Variants in EFCAB6 observed in about 807,000 individuals in gnomAD.
EFCAB6 encodes EF-hand calcium-binding domain-containing protein 6.
A neutral mutation model predicts 169.8 loss-of-function variants in EFCAB6; 156 were observed. The ratio of observed to expected loss-of-function variants is 0.92; its 90% CI spans 0.81 to 1.05. EFCAB6 has a LOEUF of 1.05. Among genes scored for constraint, EFCAB6 ranks in the 50% least tolerant of loss-of-function variants. The pLI is 0.00. For synonymous variants in EFCAB6, 698 were observed against 676.4 expected (o/e 1.03, Z -0.50); for missense variants, 1,800 against 1,829.1 (o/e 0.98, Z 0.29).
chr22:43,589,620 T>C (rs762457329), intron 24 of EFCAB6, among the ~76,000 whole-genome samples: 1 of 152,126 alleles, frequency 6.6e-6, no homozygotes, highest in African/African-American at 2.4e-5. Context: ...AAACCCCGTC[T>C]CTACTAAAAA....
At chr22:43,623,712 A>ACG (rs2054273057) in intron 20 of EFCAB6, among the ~76,000 whole-genome samples, 1 of 143,332 alleles carries the variant, frequency 7.0e-6, no homozygotes, top group African/African-American at 2.6e-5. Flanking sequence ...TGGCTAACAT[A>ACG]GTGAAACCCC....
At position 43,576,472 on chromosome 22, in the gene EFCAB6, T is replaced by A. The variant is rs564902502; in HGVS notation, c.3245A>T (p.Asp1082Val). Residue 1082 changes from aspartate to valine, a missense_variant, in exon 26 of 32, where the codon GAT becomes GTT. Physicochemically the swap from Asp to Val is radical, Grantham distance 152. Coordinates refer to ENST00000262726, the MANE Select transcript of EFCAB6 (RefSeq NM_022785.4). ...CTTTACAAATCCTGTATCCTCTTTA[T>A]CCAATGCAGAAAATGCCTAAAAAGA... Reference protein sequence around the residue: ...LALSTAFSALDKEDTGFVKAT... With the variant: ...LALSTAFSALVKEDTGFVKAT... 3 of 1,545,152 alleles carry A rather than the reference T, an allele frequency of 1.9e-6. No homozygotes were observed. The highest frequency in any genetic ancestry group is 2.4e-5 in the Admixed American group (1 of 41,990).
intron 22 of EFCAB6, among the ~76,000 whole-genome samples, chr22:43,601,043 A>G (rs2052483983): frequency 6.6e-6 from 1 of 152,246 alleles, no homozygotes; most frequent in East Asian, 1.9e-4. Flanking sequence ...TTCAAAAAGC[A>G]TATTCAATCT....
intron 23 of EFCAB6, among the ~76,000 whole-genome samples, chr22:43,596,360 C>T (rs112936824): frequency 0.021 from 3,135 of 152,010 alleles, 107 homozygotes; most frequent in African/African-American, 0.072. Flanking sequence ...AAAGACTCCA[C>T]CAAAAAAATT....
At chr22:43,675,748 G>T (rs1216380894) in intron 13 of EFCAB6, among the ~76,000 whole-genome samples, 7 of 147,660 alleles carry the variant, frequency 4.7e-5, no homozygotes, top group Non-Finnish European at 1.5e-5. Context: ...TAATGTAATT[G>T]TAAAAATATA....
rs557931568 is a variant in EFCAB6, at chr22:43,711,950, T to C, written c.883-327A>G. ...CATCTTCCTTAATATACTTTCAAGT[T>C]TTTCCCTACTGTGAGCCCACGCTAC... On this transcript the variant is annotated intron_variant, in intron 9 of 31. Coordinates refer to ENST00000262726, the MANE Select transcript of EFCAB6 (RefSeq NM_022785.4). Among the ~76,000 whole-genome samples the C allele has an allele frequency of 1.2e-4, 19 of 152,280 alleles. 1 individual carries two copies. The East Asian group carries it at 3.7e-3, about 29-fold the overall frequency.
At chr22:43,573,102 C>G (rs907134245) in intron 26 of EFCAB6, among the ~76,000 whole-genome samples, 1 of 152,074 alleles carries the variant, frequency 6.6e-6, no homozygotes, top group African/African-American at 2.4e-5. Flanking sequence ...ATCAGCACAT[C>G]GGGGAATAAC....
chr22:43,563,777 A>G (rs2049238008), intron 26 of EFCAB6, among the ~76,000 whole-genome samples: 1 of 152,206 alleles, frequency 6.6e-6, no homozygotes, highest in African/African-American at 2.4e-5. Flanking sequence ...AGGATGGTGC[A>G]TCCTGGTGCC....
At chr22:43,660,964 G>A (rs189954165) in intron 17 of EFCAB6, among the ~76,000 whole-genome samples, 9 of 152,342 alleles carry the variant, frequency 5.9e-5, no homozygotes, top group Admixed American at 4.6e-4. Context: ...GAAGAAAAGG[G>A]AGAGGGGAAG....
chr22:43,684,635 C>T (rs936223286), intron 11 of EFCAB6, among the ~76,000 whole-genome samples: 2 of 152,236 alleles, frequency 1.3e-5, no homozygotes, highest in African/African-American at 2.4e-5. Context: ...TGCGTCTATA[C>T]AGCCATCTTA....
intron 10 of EFCAB6, among the ~76,000 whole-genome samples, chr22:43,696,280 TAAAATA>T (rs2058572937): frequency 1.1e-5 from 1 of 93,080 alleles, no homozygotes; most frequent in Admixed American, 8.9e-5. Context: ...CTAGAATGGC[TAAAATA>T]AGATGGCAAT....
chr22:43,757,407 C>T (rs992418061), intron 5 of EFCAB6, among the ~76,000 whole-genome samples: 2 of 151,900 alleles, frequency 1.3e-5, no homozygotes, highest in African/African-American at 2.4e-5. Flanking sequence ...ATTAGCCGGG[C>T]GTGGTAGGGC....
chr22:43,757,168 A>G (rs1324783202), intron 5 of EFCAB6, among the ~76,000 whole-genome samples: 1 of 152,274 alleles, frequency 6.6e-6, no homozygotes. Flanking sequence ...ATTCAAATCT[A>G]TAATGCTACG....
chr22:43,640,167 C>T (rs2055701006), intron 17 of EFCAB6, among the ~76,000 whole-genome samples: 1 of 152,078 alleles, frequency 6.6e-6, no homozygotes, highest in African/African-American at 2.4e-5. Flanking sequence ...TTCTGTTTCT[C>T]CAAATGTTGA....
chr22:43,538,396 T>TG (rs1569121926), intron 28 of EFCAB6, among the ~76,000 whole-genome samples: 9 of 152,100 alleles, frequency 5.9e-5, no homozygotes, highest in Non-Finnish European at 8.8e-5. Context: ...TTTTTGTTTT[T>TG]TTTTTTGTTT....
At chr22:43,755,969 C>T in intron 5 of EFCAB6, 137 bp from the exon 6 acceptor site, 2 of 855,172 alleles carry the variant, frequency 2.3e-6, no homozygotes, top group South Asian at 4.4e-5. Flanking sequence ...AAGCTACTGT[C>T]TGCAGGAGCA....
intron 23 of EFCAB6, among the ~76,000 whole-genome samples, chr22:43,591,116 TTTTTTTTG>T (rs2051499993): frequency 7.8e-6 from 1 of 127,566 alleles, no homozygotes; most frequent in Non-Finnish European, 1.7e-5. Context: ...TTTTTGTTTT[TTTTTTTTG>T]TTTTTTTTTT....
chr22:43,755,588 A>G (rs1185043073), intron 6 of EFCAB6, among the ~76,000 whole-genome samples, 178 bp downstream of exon 6: 6 of 152,254 alleles, frequency 3.9e-5, no homozygotes, highest in African/African-American at 1.4e-4. Flanking sequence ...CAGTCAAAGT[A>G]GTCGGAATAC....
rs1569487209 is a variant in EFCAB6 at position 43,784,555 on chromosome 22, ATACACATATATATG to A, written c.-7-2244_-7-2231del. 5.2e-4 allele frequency among the ~76,000 whole-genome samples: 50 copies of A among 96,916 alleles called. 1 individual carries two copies. Among genetic ancestry groups the A allele is most frequent in the Non-Finnish European group, 7.9e-4 (40 of 50,368 alleles). The allele number at this position is 96,916 out of a possible 152,430, so 63.6% of individuals were successfully genotyped here. A position where few individuals can be genotyped will look rare whatever the true frequency, so the allele number is the denominator to read the frequency against. The stretch of plus-strand genomic sequence containing the variant: ...TGTGTGTGTGTGTGTATATGTATAT[ATACACATATATATG>A]TGTACATATACACATATATATGTAT... On this transcript the variant is annotated intron_variant, in intron 2 of 31. Coordinates refer to ENST00000262726, the MANE Select transcript of EFCAB6 (RefSeq NM_022785.4).
Sources: allele counts gnomAD v4.1 joint callset (sites outside exome capture counted in the v4.1 genomes callset), GRCh38; gene constraint gnomAD v4.1.1; transcripts MANE v1.5; gene names NCBI Gene and HGNC (gene_info 2026-07-23, HGNC 2026-07-21).